SLC10A7: variants seen among roughly 807,000 people sequenced by gnomAD.
SLC10A7 encodes the protein solute carrier family 10 member 7.
SLC10A7 carries 29 observed loss-of-function variants against 43.2 expected under a neutral mutation model. The ratio of observed to expected loss-of-function variants is 0.67; its 90% CI spans 0.50 to 0.92. The LOEUF (loss-of-function observed/expected upper bound fraction) is 0.92. SLC10A7 is among the 40% of genes least tolerant of loss of function. The pLI, the probability that SLC10A7 is intolerant of heterozygous loss-of-function variation, is 0.00. For missense variants in SLC10A7, 295 were observed against 403.2 expected, an observed-to-expected ratio of 0.73 and a Z score of 2.30; for synonymous variants, 152 against 144.8, an observed-to-expected ratio of 1.05 and a Z score of -0.35.
intron 4 of SLC10A7, among the ~76,000 whole-genome samples, chr4:146,465,633 T>C (rs1259429183): frequency 2.0e-5 from 3 of 152,156 alleles, no homozygotes; most frequent in Non-Finnish European, 4.4e-5. Flanking sequence ...TACTTATATA[T>C]GATTTGTCCA....
At chr4:146,406,079 A>G (rs1727662590) in intron 5 of SLC10A7, among the ~76,000 whole-genome samples, 1 of 152,206 alleles carries the variant, frequency 6.6e-6, no homozygotes, top group Admixed American at 6.5e-5. Context: ...TACTTCTCTT[A>G]AAGTAACTTA....
At chr4:146,476,887 G>A (rs140045219) in intron 4 of SLC10A7, among the ~76,000 whole-genome samples, 1 of 151,928 alleles carries the variant, frequency 6.6e-6, no homozygotes, top group Admixed American at 6.6e-5. Flanking sequence ...AGAAACACAG[G>A]TGTAAAGAGT....
intron 4 of SLC10A7, among the ~76,000 whole-genome samples, chr4:146,463,076 A>T (rs1283133864): frequency 6.6e-6 from 1 of 152,210 alleles, no homozygotes; most frequent in Non-Finnish European, 1.5e-5. Context: ...CACCATGTAC[A>T]TCTTTTGGTT....
intron 6 of SLC10A7, among the ~76,000 whole-genome samples, chr4:146,325,090 T>G (rs557677877): frequency 6.6e-6 from 1 of 152,352 alleles, no homozygotes; most frequent in South Asian, 2.1e-4. Context: ...TATACTACAA[T>G]TAAATAAATT....
rs1257292807 is a variant in SLC10A7 at position 146,347,666 on chromosome 4, TG to T, written c.436-21671del. Among the ~76,000 whole-genome samples the T allele has an allele frequency of 2.0e-5, 3 of 152,258 alleles. No individual in the cohort carries two copies. In the East Asian group the frequency reaches 5.8e-4, roughly 29 times the overall value. ...GCAAGGAGTTATTTCTATGCAAAAA[TG>T]GAAAATTCAAAGACTAAAAACCCTC... On this transcript the variant is annotated intron_variant, in intron 5 of 11. Coordinates refer to ENST00000335472, the MANE Select transcript of SLC10A7 (RefSeq NM_001029998.6).
intron 7 of SLC10A7, among the ~76,000 whole-genome samples, chr4:146,301,466 G>A (rs551637385): frequency 1.1e-4 from 16 of 152,172 alleles, no homozygotes; most frequent in Admixed American, 2.0e-4. Context: ...AGGAAGGCAC[G>A]AGCAAGTTTT....
At chr4:146,343,365 C>T (rs1310643974) in intron 5 of SLC10A7, among the ~76,000 whole-genome samples, 2 of 152,052 alleles carry the variant, frequency 1.3e-5, no homozygotes, top group Admixed American at 1.3e-4. Context: ...ATATAGAAAG[C>T]ACATCTGTGG....
intron 6 of SLC10A7, among the ~76,000 whole-genome samples, chr4:146,316,729 T>C (rs899701015): frequency 6.6e-6 from 1 of 152,048 alleles, no homozygotes; most frequent in African/African-American, 2.4e-5. Context: ...ACACACAAGA[T>C]TATAAAATTA....
At chr4:146,285,258 C>T (rs750975638) in intron 9 of SLC10A7, among the ~76,000 whole-genome samples, 2 of 152,056 alleles carry the variant, frequency 1.3e-5, no homozygotes, top group Non-Finnish European at 2.9e-5. Context: ...GATCACACAG[C>T]ATGGTGTAAG....
chr4:146,318,640 T>C (rs111396191), intron 6 of SLC10A7, among the ~76,000 whole-genome samples: 16 of 152,182 alleles, frequency 1.1e-4, no homozygotes, highest in African/African-American at 3.8e-4. Flanking sequence ...ACATCTCTAG[T>C]TAAGATCTTT....
At chr4:146,305,555 C>T (rs1329022461) in intron 7 of SLC10A7, among the ~76,000 whole-genome samples, 8 of 146,064 alleles carry the variant, frequency 5.5e-5, no homozygotes, top group African/African-American at 2.0e-4. Flanking sequence ...GCACATGTAC[C>T]CTAAAACTTA....
At chr4:146,427,230 G>A (rs1307120552) in intron 5 of SLC10A7, among the ~76,000 whole-genome samples, 1 of 152,156 alleles carries the variant, frequency 6.6e-6, no homozygotes, top group Non-Finnish European at 1.5e-5. Context: ...AGCTACTCAG[G>A]AGGCTGAGAT....
In SLC10A7 at chr4:146,324,795, A is replaced by G. The variant is rs77520056; in HGVS notation, c.471+1166T>C. Among the ~76,000 whole-genome samples, 145 of 152,256 alleles carry G rather than the reference A, an allele frequency of 9.5e-4. 1 individual carries two copies. In the East Asian group the frequency reaches 0.024, roughly 25 times the overall value. ...AATGCAAATAGTCTCTTTGGTTTCA[A>G]TTTAACTAACTGAAAATTCTGCGTT... On this transcript the variant is annotated intron_variant, in intron 6 of 11. Transcript: ENST00000335472.
At chr4:146,417,016 C>CT (rs1728621117) in intron 5 of SLC10A7, among the ~76,000 whole-genome samples, 1 of 152,102 alleles carries the variant, frequency 6.6e-6, no homozygotes, top group Non-Finnish European at 1.5e-5. Context: ...CCCTTTCCTG[C>CT]TTCATTTCTG....
intron 10 of SLC10A7, among the ~76,000 whole-genome samples, chr4:146,276,661 C>A (rs985043702): frequency 3.9e-5 from 6 of 152,044 alleles, no homozygotes; most frequent in African/African-American, 1.4e-4. Flanking sequence ...GGTTAAAGTT[C>A]AGTGAAGGCC....
chr4:146,481,914 A>G (rs1232741555), intron 4 of SLC10A7, among the ~76,000 whole-genome samples: 1 of 152,182 alleles, frequency 6.6e-6, no homozygotes, highest in East Asian at 1.9e-4. Flanking sequence ...TCCAAATTGT[A>G]TGAAAAACAA....
intron 5 of SLC10A7, among the ~76,000 whole-genome samples, chr4:146,338,223 A>T (rs1329417325): frequency 1.3e-5 from 2 of 152,032 alleles, no homozygotes; most frequent in Non-Finnish European, 2.9e-5. Flanking sequence ...GAAATGTTTT[A>T]AAACCCTTGT....
intron 5 of SLC10A7, among the ~76,000 whole-genome samples, chr4:146,342,391 T>C (rs1041770259): frequency 6.6e-6 from 1 of 151,662 alleles, no homozygotes; most frequent in Non-Finnish European, 1.5e-5. Context: ...AGAGGAAGCC[T>C]AAAAAATTAC....
chr4:146,369,671 T>C (rs536601248), intron 5 of SLC10A7, among the ~76,000 whole-genome samples: 2 of 152,292 alleles, frequency 1.3e-5, no homozygotes, highest in East Asian at 3.9e-4. Flanking sequence ...AAATGAGTAA[T>C]GTTAGAGGCC....
Sources: allele counts gnomAD v4.1 joint callset (sites outside exome capture counted in the v4.1 genomes callset), GRCh38; gene constraint gnomAD v4.1.1; transcripts MANE v1.5; gene names NCBI Gene and HGNC (gene_info 2026-07-23, HGNC 2026-07-21).